PPP4R1: variants seen among roughly 807,000 people sequenced by gnomAD.
PPP4R1 encodes the protein protein phosphatase 4 regulatory subunit 1.
In PPP4R1, 42 loss-of-function variants were observed where a neutral mutation model predicts 111.2. That is an observed-to-expected ratio of 0.38 (90% CI 0.29 to 0.49). The LOEUF (loss-of-function observed/expected upper bound fraction) is 0.49, where lower values mean the gene tolerates loss of function less well. PPP4R1 is among the 20% of genes least tolerant of loss of function. The pLI, the probability that PPP4R1 is intolerant of heterozygous loss-of-function variation, is 0.97. For missense variants in PPP4R1, 1,012 were observed against 1,161.6 expected (o/e 0.87, Z 1.87); for synonymous variants, 409 against 405.5 (o/e 1.01, Z -0.10).
chr18:9,583,216 A>C lies in PPP4R1; in HGVS notation c.819T>G (p.Ala273=). 1 of 1,610,476 alleles carries C rather than the reference A, an allele frequency of 6.2e-7. No individual in the cohort carries two copies. The highest frequency in any genetic ancestry group is 8.5e-7 in the Non-Finnish European group (1 of 1,177,346). Residue 273 remains alanine (A), a synonymous_variant, in exon 9 of 20, where the codon GCT becomes GCG. Transcript: ENST00000400556. ...DNVWGVRKAC[A]ECFMAVSCAT... Reference sequence around the variant, plus strand: ...CACATGAAACCGCCATGAAGCATTCAGCACAAGCCTTTCGGACTCCCCATA... The same window carrying C: ...CACATGAAACCGCCATGAAGCATTCCGCACAAGCCTTTCGGACTCCCCATA...
At chr18:9,594,004 T>C in intron 3 of PPP4R1, 130 bp from the exon 4 acceptor site, 1 of 679,242 alleles carries the variant, frequency 1.5e-6, no homozygotes, top group Middle Eastern at 2.7e-4. Flanking sequence ...CACGGCTAAC[T>C]GCAGCATTGA....
intron 11 of PPP4R1, among the ~76,000 whole-genome samples, chr18:9,564,235 C>T (rs961491949): frequency 1.2e-4 from 18 of 152,278 alleles, no homozygotes; most frequent in African/African-American, 4.3e-4. Flanking sequence ...ATTCTTCCTG[C>T]TCCCCAAATA....
chr18:9,586,768 A>C (rs2067123157), intron 6 of PPP4R1, among the ~76,000 whole-genome samples: 1 of 152,172 alleles, frequency 6.6e-6, no homozygotes, highest in Admixed American at 6.5e-5. Context: ...AGATATGAAT[A>C]AATTTCCAGA....
intron 18 of PPP4R1, 89 bp from the exon 19 acceptor site, chr18:9,549,427 G>A (rs2066453118): frequency 1.4e-6 from 2 of 1,480,152 alleles, no homozygotes; most frequent in Non-Finnish European, 1.8e-6. Flanking sequence ...AGTGACCACA[G>A]GTACAAATTT....
chr18:9,614,408 C>T lies in PPP4R1; in HGVS notation c.7+70G>A, dbSNP rs2067652280. On this transcript the variant is annotated intron_variant, in intron 1 of 19. Transcript: ENST00000400556. The surrounding 1 kb of genome is among the most constrained non-coding windows in gnomAD (Gnocchi z 4.1). ...CACGCCGGCCCCGGCCCGGCAGCCA[C>T]TCAGGGCTGCGGCGGAGGGCGGGTG... 4 of 1,016,690 alleles carry T rather than the reference C, an allele frequency of 3.9e-6. No homozygotes were observed. Among genetic ancestry groups the T allele is most frequent in the South Asian group, 4.5e-5 (1 of 22,384 alleles). The allele number at this position is 1,016,690 out of a possible 1,614,324, so 63.0% of individuals were successfully genotyped here.
chr18:9,612,349 TC>T (rs2067596339), intron 2 of PPP4R1: 1 of 152,288 alleles, frequency 6.6e-6, no homozygotes, highest in South Asian at 2.1e-4. Context: ...GCAGCCTGGC[TC>T]CAGTGGTAAC....
chr18:9,601,541 A>G (rs931290538), intron 2 of PPP4R1, among the ~76,000 whole-genome samples: 4 of 151,962 alleles, frequency 2.6e-5, no homozygotes, highest in Non-Finnish European at 4.4e-5. Flanking sequence ...TAAATAAATA[A>G]TTTTTTTAAA....
chr18:9,563,320 T>C, intron 12 of PPP4R1, 58 bp downstream of exon 12: 1 of 1,483,218 alleles, frequency 6.7e-7, no homozygotes. Context: ...TATTCCCCAA[T>C]GAAAGACTTC....
chr18:9,588,695 T>G lies in PPP4R1; in HGVS notation c.438+16A>C. 6.3e-7 allele frequency: 1 copy of G among 1,589,398 alleles called. No homozygotes were observed. Among genetic ancestry groups the G allele is most frequent in the Non-Finnish European group, 8.6e-7 (1 of 1,164,336 alleles). ...TACGTAAATTTCTTTTAAGAACATA[T>G]AAATGGTACTCTTACCTGATTATTC... On this transcript the variant is annotated intron_variant, in intron 5 of 19. Transcript: ENST00000400556.
At chr18:9,613,700 T>C (rs1414666497) in intron 2 of PPP4R1, 1 of 152,182 alleles carries the variant, frequency 6.6e-6, no homozygotes, top group Non-Finnish European at 1.5e-5. Flanking sequence ...CCAGCCAAAG[T>C]AAAATGACAG....
intron 11 of PPP4R1, among the ~76,000 whole-genome samples, chr18:9,564,270 T>C (rs1224261316): frequency 6.6e-6 from 1 of 152,224 alleles, no homozygotes; most frequent in Non-Finnish European, 1.5e-5. Flanking sequence ...CAAAAAATAT[T>C]GCTTAGCATT....
At chr18:9,574,084 T>A (rs1362661252) in intron 10 of PPP4R1, among the ~76,000 whole-genome samples, 1 of 152,208 alleles carries the variant, frequency 6.6e-6, no homozygotes, top group South Asian at 2.1e-4. Flanking sequence ...ATATTCCTAA[T>A]TGTCAGACTT....
At chr18:9,589,010 A>T (rs924470104) in intron 4 of PPP4R1, among the ~76,000 whole-genome samples, 157 bp from the exon 5 acceptor site, 3 of 152,240 alleles carry the variant, frequency 2.0e-5, no homozygotes, top group African/African-American at 7.2e-5. Context: ...TTTCAGAATC[A>T]TACACAGATC....
chr18:9,606,026 T>C (rs1020210668), intron 2 of PPP4R1, among the ~76,000 whole-genome samples: 2 of 152,210 alleles, frequency 1.3e-5, no homozygotes, highest in Admixed American at 6.5e-5. Flanking sequence ...CATTACAATA[T>C]CTGTGCAGCT....
chr18:9,590,421 G>T (rs184714575), intron 4 of PPP4R1, among the ~76,000 whole-genome samples: 2 of 152,282 alleles, frequency 1.3e-5, no homozygotes, highest in African/African-American at 2.4e-5. Flanking sequence ...ACAGGCCTCT[G>T]CTTTTCTCAT....
intron 2 of PPP4R1, among the ~76,000 whole-genome samples, chr18:9,601,791 C>A (rs2067387970): frequency 6.6e-6 from 1 of 152,024 alleles, no homozygotes; most frequent in Non-Finnish European, 1.5e-5. Context: ...CCGTGCCTGG[C>A]CAAAAGAATG....
chr18:9,577,630 G>C (rs1260394816), intron 9 of PPP4R1, among the ~76,000 whole-genome samples: 2 of 152,002 alleles, frequency 1.3e-5, no homozygotes, highest in Non-Finnish European at 2.9e-5. Flanking sequence ...TCACACCACT[G>C]TACTCCAGCC....
chr18:9,563,384 A>G lies in PPP4R1; in HGVS notation c.1740T>C (p.Ala580=). 1.2e-6 allele frequency: 2 copies of G among 1,610,674 alleles called. No homozygotes were observed. The highest frequency in any genetic ancestry group is 1.7e-6 in the Non-Finnish European group (2 of 1,178,288). Residue 580 remains alanine, a synonymous_variant, in exon 12 of 20, where the codon GCT becomes GCC. Transcript: ENST00000400556. The part of the protein sequence containing the change: ...QEDSVPLISD[A]VENMDSTLHY... ...ACTTTACTGAGTTTGTTACCTCAACAGCATCGCTGATTAAAGGCACAGAAT... is the reference window on the plus strand; with the variant it reads ...ACTTTACTGAGTTTGTTACCTCAACGGCATCGCTGATTAAAGGCACAGAAT...
chr18:9,557,849 G>A (rs746911026), intron 14 of PPP4R1, among the ~76,000 whole-genome samples: 9 of 152,032 alleles, frequency 5.9e-5, no homozygotes, highest in Non-Finnish European at 7.3e-5. Context: ...ACATGCCGAC[G>A]TACTGAGGCT....
Sources: gnomAD v4.1 joint callset for allele counts (sites outside exome capture counted in the v4.1 genomes callset) on GRCh38, gnomAD v4.1.1 for gene constraint, Gnocchi (gnomAD v3.1) non-coding constraint, MANE v1.5 for transcripts, NCBI Gene and HGNC (gene_info 2026-07-23, HGNC 2026-07-21) for gene names.